Variants in STYX observed in about 807,000 individuals in gnomAD.
STYX encodes the protein serine/threonine/tyrosine interacting protein.
Under a neutral mutation model 42.7 loss-of-function variants are expected in STYX, and 20 were observed. The observed-to-expected ratio is 0.47, with a 90% CI of 0.33 to 0.68. STYX has a LOEUF of 0.68. STYX is among the 30% of genes least tolerant of loss of function. The pLI, the probability that STYX is intolerant of heterozygous loss-of-function variation, is 0.02. For missense variants in STYX, 226 were observed against 268.5 expected (o/e 0.84, Z 1.11); for synonymous variants, 78 against 81.9 (o/e 0.95, Z 0.26).
chr14:52,750,512 TATC>T (rs1385538209), intron 3 of STYX, among the ~76,000 whole-genome samples, 168 bp from the exon 4 acceptor site: 3 of 152,204 alleles, frequency 2.0e-5, no homozygotes, highest in African/African-American at 7.2e-5. Context: ...ATCATTGAAA[TATC>T]TTGCTGCCCA....
At chr14:52,757,820 T>C in intron 7 of STYX, 38 bp downstream of exon 7, 1 of 1,612,808 alleles carries the variant, frequency 6.2e-7, no homozygotes, top group Non-Finnish European at 8.5e-7. Context: ...CTATAACATT[T>C]AATTAATGGG....
intron 4 of STYX, among the ~76,000 whole-genome samples, chr14:52,754,037 G>T (rs571713207): frequency 6.6e-6 from 1 of 150,528 alleles, no homozygotes; most frequent in Non-Finnish European, 1.5e-5. Context: ...TTACAGGCAT[G>T]TGCCACCACG....
intron 9 of STYX, among the ~76,000 whole-genome samples, chr14:52,766,523 G>A (rs1256722323): frequency 6.6e-6 from 1 of 151,990 alleles, no homozygotes; most frequent in African/African-American, 2.4e-5. Context: ...TTCCAGGTTG[G>A]TCTCAAACTC....
intron 9 of STYX, among the ~76,000 whole-genome samples, chr14:52,763,050 C>T (rs1433577571): frequency 6.6e-6 from 1 of 151,792 alleles, no homozygotes; most frequent in African/African-American, 2.4e-5. Context: ...CCTGCCACCA[C>T]AACTGGCTAA....
At chr14:52,750,514 TCTTGCTG>T (rs1164187552) in intron 3 of STYX, among the ~76,000 whole-genome samples, 162 bp from the exon 4 acceptor site, 1 of 152,200 alleles carries the variant, frequency 6.6e-6, no homozygotes, top group Non-Finnish European at 1.5e-5. Context: ...CATTGAAATA[TCTTGCTG>T]CCCACTTCAG....
rs1046029229 is a variant in STYX at position 52,771,342 on chromosome 14, T to C, written c.*236T>C. ...AAACACATGCGCGCGCACACACACA[T>C]GCTTTACAAGTTTTATTATAAACCA... On this transcript the variant is annotated 3_prime_UTR_variant, in exon 11 of 11. Coordinates refer to ENST00000354586, the MANE Select transcript of STYX (RefSeq NM_145251.4). The C allele has an allele frequency of 1.6e-5, 6 of 365,450 alleles. No homozygotes were observed. Among genetic ancestry groups the C allele is most frequent in the East Asian group, 4.2e-5 (1 of 23,868 alleles). The allele number at this position is 365,450 out of a possible 1,614,324, so 22.6% of individuals were successfully genotyped here. A position where few individuals can be genotyped will look rare whatever the true frequency, so the allele number is the denominator to read the frequency against.
At position 52,730,467 on chromosome 14, in the gene STYX, C is replaced by T. The variant is rs746060540; in HGVS notation, c.-8C>T. On this transcript the variant is annotated 5_prime_UTR_variant, in exon 1 of 11. Coordinates refer to ENST00000354586, the MANE Select transcript of STYX (RefSeq NM_145251.4). ...CCCACCCCACCCACCAGCCCGCGGG[C>T]CAGCACCATGGAGGACGTGAAGCTG... The T allele has an allele frequency of 8.7e-6, 14 of 1,613,492 alleles. No homozygotes were observed. The South Asian group carries it at 8.8e-5, about 10-fold the overall frequency.
intron 10 of STYX, among the ~76,000 whole-genome samples, 159 bp downstream of exon 10, chr14:52,769,092 C>G (rs1172967585): frequency 6.6e-6 from 1 of 152,028 alleles, no homozygotes; most frequent in Admixed American, 6.6e-5. Flanking sequence ...TAAATGTGTA[C>G]TATAATAAGC....
intron 1 of STYX, among the ~76,000 whole-genome samples, chr14:52,741,323 A>G (rs140852565): frequency 9.1e-4 from 138 of 151,988 alleles, no homozygotes; most frequent in African/African-American, 3.1e-3. Flanking sequence ...CCCACCAGCA[A>G]TGTGTGAGAG....
At chr14:52,746,554 A>G in intron 3 of STYX, 75 bp downstream of exon 3, 2 of 1,320,884 alleles carry the variant, frequency 1.5e-6, no homozygotes, top group Non-Finnish European at 2.1e-6. Context: ...TTAGTAATAA[A>G]GAGTTTTATT....
At chr14:52,767,295 C>T (rs1241087641) in intron 9 of STYX, among the ~76,000 whole-genome samples, 2 of 152,164 alleles carry the variant, frequency 1.3e-5, no homozygotes, top group African/African-American at 4.8e-5. Context: ...ACTTAATCAC[C>T]TGCCAAAGTC....
At chr14:52,770,591 T>C (rs1405294232) in intron 10 of STYX, among the ~76,000 whole-genome samples, 1 of 152,014 alleles carries the variant, frequency 6.6e-6, no homozygotes, top group East Asian at 1.9e-4. Flanking sequence ...AGTGGAAAAA[T>C]ATTTTCAGCT....
intron 10 of STYX, 92 bp from the exon 11 acceptor site, chr14:52,770,941 C>A: frequency 1.8e-6 from 2 of 1,121,486 alleles, no homozygotes; most frequent in Non-Finnish European, 2.6e-6. Flanking sequence ...ATAGTGTATA[C>A]ATGATCACTT....
At chr14:52,758,317 C>T (rs1210336570) in intron 8 of STYX, among the ~76,000 whole-genome samples, 1 of 152,098 alleles carries the variant, frequency 6.6e-6, no homozygotes, top group Non-Finnish European at 1.5e-5. Flanking sequence ...TCTTTCTTAT[C>T]AAAAATCATC....
intron 9 of STYX, 111 bp downstream of exon 9, chr14:52,759,865 C>A: frequency 1.5e-6 from 1 of 680,708 alleles, no homozygotes; most frequent in Non-Finnish European, 2.5e-6. Flanking sequence ...CATAATCTGA[C>A]TACTTTGATG....
intron 1 of STYX, among the ~76,000 whole-genome samples, chr14:52,737,193 GTTCATAT>G (rs1447522744): frequency 2.6e-5 from 4 of 152,144 alleles, no homozygotes; most frequent in African/African-American, 4.8e-5. Flanking sequence ...ATTTGTAAAA[GTTCATAT>G]TTCATATTTC....
intron 1 of STYX, among the ~76,000 whole-genome samples, chr14:52,743,782 A>C (rs921794117): frequency 6.6e-6 from 1 of 152,192 alleles, no homozygotes. Flanking sequence ...CAACTTAGAA[A>C]CTTTTGGAAT....
chr14:52,742,812 T>TG, intron 1 of STYX, among the ~76,000 whole-genome samples: 1 of 151,930 alleles, frequency 6.6e-6, no homozygotes, highest in African/African-American at 2.4e-5. Flanking sequence ...TTTTTTTTTT[T>TG]TGAGATGGAG....
At chr14:52,753,047 ATTTTTTTTT>A (rs959737468) in intron 4 of STYX, among the ~76,000 whole-genome samples, 2 of 88,668 alleles carry the variant, frequency 2.3e-5, no homozygotes, top group East Asian at 3.0e-4. Flanking sequence ...CACCCAGCTA[ATTTTTTTTT>A]TTTTTTTTTT....
Sources: allele counts gnomAD v4.1 joint callset (sites outside exome capture counted in the v4.1 genomes callset), GRCh38; gene constraint gnomAD v4.1.1; transcripts MANE v1.5; gene names NCBI Gene and HGNC (gene_info 2026-07-23, HGNC 2026-07-21).